The following SSMEM1 variants were observed in gnomAD, a reference collection of about 807,000 sequenced individuals.
The protein encoded by SSMEM1 is serine-rich single-pass membrane protein 1.
A neutral mutation model predicts 9.9 loss-of-function variants in SSMEM1; 12 were observed. That is an observed-to-expected ratio of 1.21 (90% CI 0.78 to 1.96). SSMEM1 has a LOEUF of 1.96. SSMEM1 is among the 30% of genes most tolerant of loss of function. SSMEM1 has a pLI of 0.00. For missense variants in SSMEM1, 259 were observed against 292.2 expected, an observed-to-expected ratio of 0.89 and a Z score of 0.83; for synonymous variants, 96 against 98.9, an observed-to-expected ratio of 0.97 and a Z score of 0.17.
chr7:130,207,969 G>A lies in SSMEM1; in HGVS notation c.59G>A (p.Cys20Tyr), dbSNP rs1584710071. The change falls in exon 1 of 3, where the codon TGT (cysteine) becomes TAT (tyrosine). Residue 20 changes from cysteine to tyrosine, a missense_variant. Physicochemically the swap from Cys to Tyr is radical, Grantham distance 194. Transcript: ENST00000297819. Reference protein sequence around the residue: ...EVDPPPIPVNCAIPNQDYECW... With the variant: ...EVDPPPIPVNYAIPNQDYECW... ...GATCCTCCCCCAATACCTGTAAATTGTGCCATTCCAAATCAGGATTATGAA... is the reference window on the plus strand; with the variant it reads ...GATCCTCCCCCAATACCTGTAAATTATGCCATTCCAAATCAGGATTATGAA... 2 of 1,613,960 alleles carry A rather than the reference G, an allele frequency of 1.2e-6. No homozygotes were observed. The highest frequency in any genetic ancestry group is 4.5e-5 in the East Asian group (2 of 44,842).
chr7:130,210,457 TGCCACTTTTTAA>T (rs1173483026), intron 1 of SSMEM1, among the ~76,000 whole-genome samples: 1 of 152,250 alleles, frequency 6.6e-6, no homozygotes, highest in Non-Finnish European at 1.5e-5. Context: ...CCTCTGAATT[TGCCACTTTTTAA>T]AGTGGCATTT....
At chr7:130,212,955 G>A (rs1454999860) in intron 1 of SSMEM1, among the ~76,000 whole-genome samples, 1 of 152,108 alleles carries the variant, frequency 6.6e-6, no homozygotes, top group Non-Finnish European at 1.5e-5. Flanking sequence ...AGTCTTAATG[G>A]GAAGTGGAAG....
At chr7:130,205,572 C>T, upstream of SSMEM1, 2 of 746,078 alleles carry the variant, frequency 2.7e-6, no homozygotes, top group Non-Finnish European at 4.5e-6. Context: ...TTTGCGGCTC[C>T]CACTCAGCTG....
At chr7:130,215,200 G>A (rs1798680878) in intron 2 of SSMEM1, among the ~76,000 whole-genome samples, 2 of 152,108 alleles carry the variant, frequency 1.3e-5, no homozygotes, top group Non-Finnish European at 2.9e-5. Context: ...AGCTGCTGGG[G>A]GGCTGAGGCA....
intron 2 of SSMEM1, among the ~76,000 whole-genome samples, chr7:130,214,135 T>C (rs55912550): frequency 0.15 from 22,689 of 152,210 alleles, 2,252 homozygotes; most frequent in Middle Eastern, 0.23. Context: ...TTACTAAAAA[T>C]TTTACTGATA....
intron 2 of SSMEM1, 115 bp from the exon 3 acceptor site, chr7:130,215,859 A>G (rs1798694281): frequency 1.4e-6 from 2 of 1,385,634 alleles, no homozygotes; most frequent in South Asian, 1.4e-5. Context: ...GAGAAAAGCA[A>G]TGGCTTGACA....
rs572318052 is a variant in SSMEM1 at position 130,213,111 on chromosome 7, G to A, written c.184-369G>A. 3.9e-5 allele frequency among the ~76,000 whole-genome samples: 6 copies of A among 152,308 alleles called. No homozygotes were observed. The South Asian group carries it at 8.3e-4, about 21-fold the overall frequency. On this transcript the variant is annotated intron_variant, in intron 1 of 2. Transcript: ENST00000297819. ...ACCTGTAATCCCAGCACTTTCGGAG[G>A]CCAAGGTGGGCAGATCACTTGAGGT...
At chr7:130,207,733 A>C, upstream of SSMEM1, 2 of 727,374 alleles carry the variant, frequency 2.7e-6, no homozygotes, top group Non-Finnish European at 4.9e-6. Context: ...GAGTAATTTG[A>C]ATAACCTTCC....
upstream of SSMEM1, among the ~76,000 whole-genome samples, chr7:130,205,954 C>T (rs1360227665): frequency 6.6e-6 from 1 of 152,198 alleles, no homozygotes; most frequent in African/African-American, 2.4e-5. Flanking sequence ...GCTGGCCTCC[C>T]ACCGCCTTTT....
At chr7:130,211,406 G>A (rs76971089) in intron 1 of SSMEM1, among the ~76,000 whole-genome samples, 9 of 152,140 alleles carry the variant, frequency 5.9e-5, no homozygotes, top group Non-Finnish European at 7.4e-5. Context: ...TGATCTGCCC[G>A]CCTCAGCCTC....
chr7:130,212,123 A>G (rs185851675), intron 1 of SSMEM1, among the ~76,000 whole-genome samples: 2 of 152,284 alleles, frequency 1.3e-5, no homozygotes, highest in East Asian at 3.9e-4. Flanking sequence ...GAGTTGGTTT[A>G]TATCTGTGTC....
chr7:130,205,525 A>C, upstream of SSMEM1: 1 of 1,253,004 alleles, frequency 8.0e-7, no homozygotes, highest in Non-Finnish European at 1.2e-6. Context: ...TCGCAGGCCC[A>C]GGCGCTCGGA....
chr7:130,215,787 C>T (rs1452128019), intron 2 of SSMEM1, among the ~76,000 whole-genome samples, 187 bp from the exon 3 acceptor site: 1 of 152,200 alleles, frequency 6.6e-6, no homozygotes, highest in Non-Finnish European at 1.5e-5. Flanking sequence ...GCTCTCTGGT[C>T]TGCAGGAGTT....
At chr7:130,209,682 T>C (rs1798556103) in intron 1 of SSMEM1, among the ~76,000 whole-genome samples, 1 of 152,186 alleles carries the variant, frequency 6.6e-6, no homozygotes, top group South Asian at 2.1e-4. Flanking sequence ...TGGGTTCCAG[T>C]GATTCTCCTG....
rs373212095 is a variant in SSMEM1 at position 130,216,057 on chromosome 7, C to A, written c.322C>A (p.Gln108Lys). 2 of 1,614,192 alleles carry A rather than the reference C, an allele frequency of 1.2e-6. No individual in the cohort carries two copies. The highest frequency in any genetic ancestry group is 1.1e-5 in the South Asian group (1 of 91,076). ...AACAATGAAGAAACCAAAGCAGAAC[C>A]AACTTACCCCTGTAACCAACTCAGA... is the stretch of plus-strand genomic sequence containing the variant. ...SQTMKKPKQN[Q>K]LTPVTNSEVA... Residue 108 changes from glutamine to lysine, a missense_variant, in exon 3 of 3, where the codon CAA becomes AAA. By Grantham distance (53) the Gln-to-Lys change is moderately conservative. Transcript: ENST00000297819.
intron 2 of SSMEM1, among the ~76,000 whole-genome samples, chr7:130,215,180 C>T (rs1381588087): frequency 6.6e-6 from 1 of 152,100 alleles, no homozygotes; most frequent in Non-Finnish European, 1.5e-5. Context: ...TGGCACGTGC[C>T]TATAATCCCA....
intron 1 of SSMEM1, among the ~76,000 whole-genome samples, chr7:130,211,260 C>G (rs1798586573): frequency 6.6e-6 from 1 of 150,940 alleles, no homozygotes; most frequent in Non-Finnish European, 1.5e-5. Context: ...CAGGTTCACA[C>G]CATTCTCCTG....
chr7:130,213,689 T>TA (rs199858252), intron 2 of SSMEM1, among the ~76,000 whole-genome samples, 155 bp downstream of exon 2: 14,117 of 61,856 alleles, frequency 0.23, 2,662 homozygotes, highest in East Asian at 0.31. Flanking sequence ...TGAGACCCAG[T>TA]ACCAAAAAAA....
chr7:130,210,632 G>A (rs1236590072), intron 1 of SSMEM1, among the ~76,000 whole-genome samples: 4 of 152,184 alleles, frequency 2.6e-5, no homozygotes, highest in Non-Finnish European at 5.9e-5. Flanking sequence ...GTGTTAAGTG[G>A]CTTGGAAAAA....
Sources: gnomAD v4.1 joint callset for allele counts (sites outside exome capture counted in the v4.1 genomes callset) on GRCh38, gnomAD v4.1.1 for gene constraint, MANE v1.5 for transcripts, NCBI Gene and HGNC (gene_info 2026-07-23, HGNC 2026-07-21) for gene names.